Variants in AFF2 observed in about 807,000 individuals in gnomAD.
AFF2 encodes the protein AF4/FMR2 family member 2.
Under a neutral mutation model 76.9 loss-of-function variants are expected in AFF2, and 14 were observed. The ratio of observed to expected loss-of-function variants is 0.18; its 90% CI spans 0.12 to 0.28. The LOEUF is 0.28. Ranked by LOEUF, AFF2 falls within the 10% of genes least tolerant of loss-of-function variation. The pLI is 1.00. For synonymous variants in AFF2, 398 were observed against 366.7 expected, an observed-to-expected ratio of 1.09 and a Z score of -0.98; for missense variants, 868 against 1,001.1, an observed-to-expected ratio of 0.87 and a Z score of 1.79.
At chrX:148,883,788 G>C (rs1223433269) in intron 7 of AFF2, among the ~76,000 whole-genome samples, 1 of 111,165 alleles carries the variant, frequency 9.0e-6, no homozygotes, top group Non-Finnish European at 1.9e-5. Flanking sequence ...GTCTCCATCT[G>C]AAAAATGCAG....
chrX:148,811,037 T>C (rs1180040133), intron 4 of AFF2, among the ~76,000 whole-genome samples: 1 of 111,391 alleles, frequency 9.0e-6, no homozygotes, highest in East Asian at 2.8e-4. Flanking sequence ...TACACATTCG[T>C]GCACCTGTTT....
At chrX:148,971,991 T>C (rs2072267355) in intron 15 of AFF2, among the ~76,000 whole-genome samples, 1 of 20,684 alleles carries the variant, frequency 4.8e-5, no homozygotes, top group East Asian at 1.1e-3. Context: ...ATCTCATTGT[T>C]CAATTCCCAC....
Position 148,662,120 on chromosome X carries a change from T to A in AFF2, c.393T>A (p.His131Gln), listed in dbSNP as rs148418993. 4 of 1,206,498 alleles carry A rather than the reference T, an allele frequency of 3.3e-6. No individual in the cohort carries two copies. The African/African-American group carries it at 7.0e-5, about 21-fold the overall frequency. ...RIIPPHQDNTHPSAPMPPPSV... is the reference protein window; with the variant it reads ...RIIPPHQDNTQPSAPMPPPSV... ...TTCCACCTCACCAGGATAATACCCATCCTTCAGCACCAATGCCTCCACCTT... is the reference window on the plus strand; with the variant it reads ...TTCCACCTCACCAGGATAATACCCAACCTTCAGCACCAATGCCTCCACCTT... Residue 131 changes from histidine to glutamine, a missense_variant, in exon 3 of 21, where the codon CAT (histidine) becomes CAA (glutamine). Transcript: ENST00000370460.
chrX:148,695,503 T>G (rs1454949353), intron 3 of AFF2, among the ~76,000 whole-genome samples: 2 of 112,471 alleles, frequency 1.8e-5, no homozygotes, highest in East Asian at 5.6e-4. Flanking sequence ...TGATTGGTTA[T>G]TCTCATCACC....
At position 148,993,902 on chromosome X, in the gene AFF2, G is replaced by A. The variant is rs1369021025; in HGVS notation, c.*2570G>A. On this transcript the variant is annotated 3_prime_UTR_variant, in exon 21 of 21. Transcript: ENST00000370460. ...AGTTTCATGATTAAGGATTGTTGCT[G>A]TTTTATAGTTACTCTGTTCATCACA... is the stretch of plus-strand genomic sequence containing the variant. 3 of 112,426 alleles carry A rather than the reference G, an allele frequency of 2.7e-5. No homozygotes were observed. Among genetic ancestry groups the A allele is most frequent in the South Asian group, 3.7e-4 (1 of 2,668 alleles). The allele number at this position is 112,426 out of a possible 1,213,427, so 9.3% of individuals were successfully genotyped here.
chrX:148,662,060 A>G lies in AFF2; in HGVS notation c.333A>G (p.Glu111=), dbSNP rs781804915. Residue 111 remains glutamate, a synonymous_variant, in exon 3 of 21, where the codon GAA becomes GAG. Transcript: ENST00000370460. ...SVPQNPNNKN[E]PSFFPEQKNR... Reference sequence around the variant, plus strand: ...CCCAGAATCCCAACAACAAAAATGAACCAAGCTTTTTTCCAGAACAAAAGA... The same window carrying G: ...CCCAGAATCCCAACAACAAAAATGAGCCAAGCTTTTTTCCAGAACAAAAGA... The G allele has an allele frequency of 1.6e-5, 19 of 1,209,226 alleles. No homozygotes were observed. The highest frequency in any genetic ancestry group is 1.3e-5 in the Non-Finnish European group (12 of 894,463).
chrX:148,769,169 G>A (rs1456363662), intron 3 of AFF2, among the ~76,000 whole-genome samples: 1 of 111,502 alleles, frequency 9.0e-6, no homozygotes, highest in Non-Finnish European at 1.9e-5. Context: ...GATGAAAAAT[G>A]ATATTATAAG....
At chrX:148,592,529 T>G (rs1190160966) in intron 1 of AFF2, among the ~76,000 whole-genome samples, 2 of 111,672 alleles carry the variant, frequency 1.8e-5, no homozygotes, top group African/African-American at 6.5e-5. Context: ...GTGCACTTTT[T>G]AATTAAGATA....
rs781819039 is a variant in AFF2, at chrX:148,541,392, G to A, written c.47+40248G>A. On this transcript the variant is annotated intron_variant, in intron 1 of 20. Transcript: ENST00000370460. Reference sequence around the variant, plus strand: ...CAGGGAGCTGGATTGTATTAAACTGGTTTTATTGTGATGTGACTATGATGG... The same window carrying A: ...CAGGGAGCTGGATTGTATTAAACTGATTTTATTGTGATGTGACTATGATGG... 7.2e-5 allele frequency among the ~76,000 whole-genome samples: 8 copies of A among 111,879 alleles called. No individual in the cohort carries two copies. In the South Asian group the frequency reaches 3.0e-3, roughly 42 times the overall value.
At chrX:148,619,929 C>A (rs1329365754) in intron 1 of AFF2, among the ~76,000 whole-genome samples, 3 of 112,056 alleles carry the variant, frequency 2.7e-5, no homozygotes, top group Non-Finnish European at 5.7e-5. Context: ...GATTATTGTC[C>A]TGACAAAGCA....
intron 3 of AFF2, among the ~76,000 whole-genome samples, chrX:148,733,579 T>C (rs2055252286): frequency 8.9e-6 from 1 of 111,767 alleles, no homozygotes; most frequent in African/African-American, 3.2e-5. Context: ...AATAAAAAAT[T>C]GAAATATTAC....
At position 148,953,798 on chromosome X, in the gene AFF2, A is replaced by AACACACAC. The variant is rs1320518499; in HGVS notation, c.1557+67_1557+74dup. ...TGCCTGTCCCACAGGCAGCACCCTC[A>AACACACAC]ACACACACACACACAGACACACACA... On this transcript the variant is annotated intron_variant, in intron 10 of 20. Coordinates refer to ENST00000370460, the MANE Select transcript of AFF2 (RefSeq NM_002025.4). 561 of 836,825 alleles carry AACACACAC rather than the reference A, an allele frequency of 6.7e-4. 6 individuals carry two copies. The African/African-American group carries it at 0.01, about 15-fold the overall frequency. 69.0% of individuals were successfully genotyped at this position (836,825 alleles called of 1,213,427 possible).
At chrX:148,835,927 C>G (rs1334940378) in intron 4 of AFF2, among the ~76,000 whole-genome samples, 1 of 111,639 alleles carries the variant, frequency 9.0e-6, no homozygotes, top group African/African-American at 3.3e-5. Flanking sequence ...ACTTTGTACT[C>G]TTATACCAAC....
At chrX:148,782,035 A>G (rs1202163448) in intron 3 of AFF2, among the ~76,000 whole-genome samples, 5 of 110,083 alleles carry the variant, frequency 4.5e-5, no homozygotes. Flanking sequence ...ACCAGTCCCA[A>G]TGAGATGAAC....
intron 1 of AFF2, among the ~76,000 whole-genome samples, chrX:148,616,524 A>G (rs370072371): frequency 1.4e-4 from 16 of 111,216 alleles, no homozygotes; most frequent in East Asian, 8.5e-4. Context: ...ATAACCAAAA[A>G]CATTGTTTTC....
rs1557292259 is a variant in AFF2 at position 148,991,371 on chromosome X, C to A, written c.*39C>A. The stretch of plus-strand genomic sequence containing the variant: ...ATCTCTAGCATCACGACCCATCACT[C>A]TACCTCTACCAGCGCACTGATGGTC... On this transcript the variant is annotated 3_prime_UTR_variant, in exon 21 of 21. Coordinates refer to ENST00000370460, the MANE Select transcript of AFF2 (RefSeq NM_002025.4). 8.7e-7 allele frequency: 1 copy of A among 1,155,164 alleles called. No individual in the cohort carries two copies. Among genetic ancestry groups the A allele is most frequent in the Admixed American group, 2.4e-5 (1 of 42,071 alleles).
chrX:148,809,933 C>G lies in AFF2; in HGVS notation c.1086+13C>G. The G allele has an allele frequency of 8.3e-7, 1 of 1,205,812 alleles. No homozygotes were observed. The highest frequency in any genetic ancestry group is 1.1e-6 in the Non-Finnish European group (1 of 890,899). On this transcript the variant is annotated intron_variant, in intron 4 of 20. Coordinates refer to ENST00000370460, the MANE Select transcript of AFF2 (RefSeq NM_002025.4). ...AGAAATCTTGCGGGTGAGTTTAAAC[C>G]TTTATTTTTGTGCCTTTTAATAATG...
intron 2 of AFF2, among the ~76,000 whole-genome samples, chrX:148,659,606 A>G (rs1305857212): frequency 8.9e-6 from 1 of 112,657 alleles, no homozygotes; most frequent in Non-Finnish European, 1.9e-5. Context: ...TCATGAGGCA[A>G]ACATCTGACC....
chrX:148,935,406 C>CACACAT (rs2071762891), intron 9 of AFF2, among the ~76,000 whole-genome samples: 1 of 110,584 alleles, frequency 9.0e-6, no homozygotes, highest in Admixed American at 9.7e-5. Context: ...TACACACACA[C>CACACAT]ACACACACAC....
Sources: gnomAD v4.1 joint callset for allele counts (sites outside exome capture counted in the v4.1 genomes callset) on GRCh38, gnomAD v4.1.1 for gene constraint, MANE v1.5 for transcripts, NCBI Gene and HGNC (gene_info 2026-07-23, HGNC 2026-07-21) for gene names.